Variants in PROM1 observed in about 807,000 individuals in gnomAD.
PROM1 encodes prominin 1, also known as prominin-1.
A neutral mutation model predicts 116.9 loss-of-function variants in PROM1; 105 were observed. The ratio of observed to expected loss-of-function variants is 0.90; its 90% CI spans 0.77 to 1.06. The LOEUF (loss-of-function observed/expected upper bound fraction) is 1.06, where lower values mean the gene tolerates loss of function less well. PROM1 is among the 50% of genes least tolerant of loss of function. The pLI, the probability that PROM1 is intolerant of heterozygous loss-of-function variation, is 0.00. For missense variants in PROM1, 1,122 were observed against 1,045.2 expected, an observed-to-expected ratio of 1.07 and a Z score of -1.01; for synonymous variants, 393 against 387.0, an observed-to-expected ratio of 1.02 and a Z score of -0.18.
At chr4:15,974,927 C>T (rs1235540293) in intron 26 of PROM1, among the ~76,000 whole-genome samples, 2 of 152,180 alleles carry the variant, frequency 1.3e-5, no homozygotes, top group African/African-American at 2.4e-5. Flanking sequence ...GGCACCAATT[C>T]GGGCTCATTT....
chr4:16,055,221 T>C (rs1738732728), intron 2 of PROM1: 1 of 312,074 alleles, frequency 3.2e-6, no homozygotes, highest in African/African-American at 2.2e-5. Context: ...AAAATGTGGA[T>C]TCATAATCAC....
Position 16,018,524 on chromosome 4 carries a change from T to C in PROM1, c.801A>G (p.Lys267=), listed in dbSNP as rs186293194. 45 of 1,608,950 alleles carry C rather than the reference T, an allele frequency of 2.8e-5. No homozygotes were observed. In the African/African-American group the frequency reaches 4.9e-4, roughly 18 times the overall value. ...KSMATAIKET[K]EALENMNSTL... is the part of the protein sequence containing the mutation. Reference sequence around the variant, plus strand: ...TGCTGTTCATGTTCTCCAACGCCTCTTTGGTCTCCTTGATCGCTATGGAAA... The same window carrying C: ...TGCTGTTCATGTTCTCCAACGCCTCCTTGGTCTCCTTGATCGCTATGGAAA... Residue 267 remains lysine, a synonymous_variant, in exon 9 of 28, where the codon AAA becomes AAG. Coordinates refer to ENST00000447510, the MANE Select transcript of PROM1 (RefSeq NM_006017.3).
chr4:16,072,181 A>G (rs1742966137), intron 2 of PROM1, among the ~76,000 whole-genome samples: 1 of 152,174 alleles, frequency 6.6e-6, no homozygotes, highest in African/African-American at 2.4e-5. Context: ...TCCCAGCTGA[A>G]TAAGACCTTT....
chr4:15,971,152 C>T (rs767539481), intron 26 of PROM1, 70 bp from the exon 27 acceptor site: 37 of 1,342,782 alleles, frequency 2.8e-5, no homozygotes, highest in Non-Finnish European at 3.2e-5. Flanking sequence ...CACCTCTGTG[C>T]TAAGAAGCAG....
At chr4:16,047,784 T>C (rs892822816) in intron 2 of PROM1, among the ~76,000 whole-genome samples, 1 of 151,988 alleles carries the variant, frequency 6.6e-6, no homozygotes, top group African/African-American at 2.4e-5. Flanking sequence ...TCAGAGCAGG[T>C]AGAGGAACTA....
chr4:15,971,085 A>G lies in PROM1; in HGVS notation c.2583-3T>C. On this transcript the variant is annotated splice_region_variant and splice_polypyrimidine_tract_variant and intron_variant, in intron 26 of 27. Transcript: ENST00000447510. ...TCAGCTATCAATGTTGTGATGGGCT[A>G]AAAAACAAAAAAATAAAGAAATATA... The G allele has an allele frequency of 6.4e-7, 1 of 1,564,316 alleles. No individual in the cohort carries two copies. The highest frequency in any genetic ancestry group is 2.3e-5 in the East Asian group (1 of 42,790).
intron 8 of PROM1, 108 bp downstream of exon 8, chr4:16,023,218 G>A: frequency 2.1e-6 from 2 of 943,660 alleles, no homozygotes; most frequent in South Asian, 2.8e-5. Context: ...CACGGACGGT[G>A]GCTCTCCCCA....
chr4:15,980,318 AAAG>A, intron 24 of PROM1, 101 bp downstream of exon 24: 3 of 882,606 alleles, frequency 3.4e-6, no homozygotes, highest in Non-Finnish European at 3.6e-6. Flanking sequence ...AAAAAAAAAA[AAAG>A]AAATCAACTT....
intron 22 of PROM1, 26 bp from the exon 23 acceptor site, chr4:15,984,381 CTT>C (rs1560402173): frequency 6.8e-7 from 1 of 1,479,860 alleles, no homozygotes; most frequent in Admixed American, 2.2e-5. Context: ...CACAGGGAAA[CTT>C]TGAGCTGCAT....
Position 16,076,197 on chromosome 4 carries a change from G to A in PROM1, c.-212-79C>T, listed in dbSNP as rs1743921663. ...CCTGGAGCTGCCCGGAGAGGACGCT[G>A]CAAAGCTTTAGAGCAAGGCCTCCAG... On this transcript the variant is annotated intron_variant, in intron 1 of 27. Transcript: ENST00000447510. 1.9e-5 allele frequency: 7 copies of A among 369,560 alleles called. No homozygotes were observed. The South Asian group carries it at 4.1e-4, about 22-fold the overall frequency. 22.9% of individuals were successfully genotyped at this position (369,560 alleles called of 1,614,324 possible).
chr4:16,080,191 C>G lies in PROM1; in HGVS notation c.-213+3787G>C, dbSNP rs113682372. ...TGGGCGACCTTACATGATTTTGAGC[C>G]TGGAGTCCAGAGAACTGCATTTCAA... On this transcript the variant is annotated intron_variant, in intron 1 of 27. Coordinates refer to ENST00000447510, the MANE Select transcript of PROM1 (RefSeq NM_006017.3). Among the ~76,000 whole-genome samples, 622 of 142,166 alleles carry G rather than the reference C, an allele frequency of 4.4e-3. 3 individuals are homozygous for G. The East Asian group carries it at 0.044, about 10-fold the overall frequency. 93.3% of individuals were successfully genotyped at this position (142,166 alleles called of 152,430 possible).
At chr4:16,055,913 A>G (rs924142451) in intron 2 of PROM1, among the ~76,000 whole-genome samples, 1 of 152,150 alleles carries the variant, frequency 6.6e-6, no homozygotes, top group African/African-American at 2.4e-5. Flanking sequence ...CATTTCCTGC[A>G]TATCTAACCC....
At position 16,009,121 on chromosome 4, in the gene PROM1, A is replaced by T. The variant is rs2149250549; in HGVS notation, c.1142-13T>A. On this transcript the variant is annotated splice_polypyrimidine_tract_variant and intron_variant, in intron 11 of 27. Coordinates refer to ENST00000447510, the MANE Select transcript of PROM1 (RefSeq NM_006017.3). ...ACCCTTTTGATACCTGAAAACAAAG[A>T]TACCTTTGTTATGCATTTGCAAACA... 6.2e-7 allele frequency: 1 copy of T among 1,607,658 alleles called. No homozygotes were observed. Among genetic ancestry groups the T allele is most frequent in the East Asian group, 2.2e-5 (1 of 44,840 alleles).
intron 5 of PROM1, 142 bp from the exon 6 acceptor site, chr4:16,025,454 A>T (rs913559540): frequency 7.3e-5 from 78 of 1,062,848 alleles, no homozygotes; most frequent in Non-Finnish European, 1.0e-4. Context: ...CTCCTCCCAC[A>T]TCCTTCCCAC....
intron 11 of PROM1, among the ~76,000 whole-genome samples, chr4:16,011,799 T>C (rs1273216361): frequency 6.6e-6 from 1 of 152,236 alleles, no homozygotes; most frequent in African/African-American, 2.4e-5. Flanking sequence ...TAAAGTGTCA[T>C]GTAGCAAGAT....
At chr4:16,013,361 A>T (rs761954659) in intron 10 of PROM1, 23 bp from the exon 11 acceptor site, 1 of 1,548,824 alleles carries the variant, frequency 6.5e-7, no homozygotes, top group African/African-American at 1.4e-5. Flanking sequence ...TCAAAATAAA[A>T]GGATGTACAC....
chr4:16,048,527 C>G (rs1273196035), intron 2 of PROM1, among the ~76,000 whole-genome samples: 1 of 152,104 alleles, frequency 6.6e-6, no homozygotes, highest in Non-Finnish European at 1.5e-5. Context: ...AATGTATCCC[C>G]GGTGCCTCCA....
At chr4:16,029,715 T>G (rs1029605023) in intron 5 of PROM1, among the ~76,000 whole-genome samples, 2 of 152,168 alleles carry the variant, frequency 1.3e-5, no homozygotes, top group Non-Finnish European at 2.9e-5. Flanking sequence ...CAAAACTAAC[T>G]TGAAAACCAA....
At chr4:15,999,848 A>G (rs76696642) in intron 14 of PROM1, among the ~76,000 whole-genome samples, 16,384 of 122,574 alleles carry the variant, frequency 0.13, 940 homozygotes, top group South Asian at 0.16. Flanking sequence ...GAATCTGGAG[A>G]AAAAAAAAAC....
Sources: allele counts gnomAD v4.1 joint callset (sites outside exome capture counted in the v4.1 genomes callset), GRCh38; gene constraint gnomAD v4.1.1; transcripts MANE v1.5; gene names NCBI Gene and HGNC (gene_info 2026-07-23, HGNC 2026-07-21).